The following AKAP7 variants were observed in gnomAD, a reference collection of about 807,000 sequenced individuals.
The protein encoded by AKAP7 is A-kinase anchoring protein 7.
In AKAP7, 39 loss-of-function variants were observed where a neutral mutation model predicts 39.5. The ratio of observed to expected loss-of-function variants is 0.99; its 90% CI spans 0.76 to 1.29. The LOEUF is 1.29. Ranked by LOEUF, AKAP7 falls within the 50% of genes most tolerant of loss-of-function variation. The probability of loss-of-function intolerance (pLI) is 0.00; values close to 1 mark genes in which losing one functional copy is unlikely to be tolerated. For missense variants in AKAP7, 414 were observed against 407.7 expected, an observed-to-expected ratio of 1.02 and a Z score of -0.13; for synonymous variants, 140 against 139.1, an observed-to-expected ratio of 1.01 and a Z score of -0.05.
At position 131,241,577 on chromosome 6, in the gene AKAP7, A is replaced by ATATATG. The variant is rs1349874555; in HGVS notation, c.850+21770_850+21771insATATGT. Among the ~76,000 whole-genome samples the ATATATG allele has an allele frequency of 2.0e-3, 164 of 81,216 alleles. 1 individual carries two copies. Among genetic ancestry groups the ATATATG allele is most frequent in the Non-Finnish European group, 3.2e-3 (134 of 42,278 alleles). The allele number at this position is 81,216 out of a possible 152,430, so 53.3% of individuals were successfully genotyped here. On this transcript the variant is annotated intron_variant, in intron 7 of 7. Coordinates refer to ENST00000431975, the MANE Select transcript of AKAP7 (RefSeq NM_016377.4). ...GAGGTCCAGGACATAGATTATATAT[A>ATATATG]TGTGTGTGTGTGTGTGTGTGTGTGT...
chr6:131,254,686 G>A (rs1163106681), intron 7 of AKAP7, among the ~76,000 whole-genome samples: 1 of 152,152 alleles, frequency 6.6e-6, no homozygotes, highest in Non-Finnish European at 1.5e-5. Context: ...CACCTTCTAG[G>A]GATGTTGTAA....
chr6:131,215,378 C>T (rs1385163806), intron 6 of AKAP7, among the ~76,000 whole-genome samples: 1 of 152,208 alleles, frequency 6.6e-6, no homozygotes, highest in Non-Finnish European at 1.5e-5. Flanking sequence ...GATCTGAAAT[C>T]ACCATGCTAT....
At chr6:131,230,767 A>G (rs1810562528) in intron 7 of AKAP7, among the ~76,000 whole-genome samples, 1 of 152,212 alleles carries the variant, frequency 6.6e-6, no homozygotes. Context: ...AATTCAAGAT[A>G]GATCAAGAAT....
At chr6:131,241,203 C>T (rs1217665970) in intron 7 of AKAP7, among the ~76,000 whole-genome samples, 1 of 152,166 alleles carries the variant, frequency 6.6e-6, no homozygotes, top group Non-Finnish European at 1.5e-5. Context: ...GGAAACTGAT[C>T]AGCAAGACCA....
chr6:131,218,729 A>G (rs887277189), intron 6 of AKAP7, among the ~76,000 whole-genome samples: 6 of 152,198 alleles, frequency 3.9e-5, no homozygotes, highest in African/African-American at 1.4e-4. Flanking sequence ...TAATTTTTCA[A>G]CAACCAGCTG....
At chr6:131,243,929 T>C (rs766168618) in intron 7 of AKAP7, among the ~76,000 whole-genome samples, 9 of 152,112 alleles carry the variant, frequency 5.9e-5, no homozygotes, top group Non-Finnish European at 1.5e-5. Flanking sequence ...TAAAAGCACT[T>C]GACTAAGAAA....
chr6:131,135,886 C>T (rs1800492925), intron 1 of AKAP7, 104 bp downstream of exon 1: 1 of 1,174,496 alleles, frequency 8.5e-7, no homozygotes, highest in Non-Finnish European at 1.1e-6. Flanking sequence ...CCGCGCCGGC[C>T]CTTCTCCGAG....
rs1809526892 is a variant in AKAP7 at position 131,219,641 on chromosome 6, AT to A, written c.703-17del. The A allele has an allele frequency of 6.3e-7, 1 of 1,580,276 alleles. No individual in the cohort carries two copies. Among genetic ancestry groups the A allele is most frequent in the Non-Finnish European group, 8.6e-7 (1 of 1,163,534 alleles). ...CATGGGTGAAATGATTGATTGATTGATTTGTTTTTTCATTTCAAGGGAGTGA... is the reference window on the plus strand; with the variant it reads ...CATGGGTGAAATGATTGATTGATTGATTGTTTTTTCATTTCAAGGGAGTGA... On this transcript the variant is annotated intron_variant, in intron 6 of 7. Transcript: ENST00000431975.
chr6:131,219,572 TA>T, intron 6 of AKAP7, 88 bp from the exon 7 acceptor site: 1 of 1,190,992 alleles, frequency 8.4e-7, no homozygotes, highest in Non-Finnish European at 1.2e-6. Flanking sequence ...TGTAGTAATG[TA>T]ATAATCAGGT....
chr6:131,265,107 C>T (rs1312603846), intron 7 of AKAP7, among the ~76,000 whole-genome samples: 1 of 152,124 alleles, frequency 6.6e-6, no homozygotes, highest in Non-Finnish European at 1.5e-5. Context: ...ATACTATAGG[C>T]CAATCATGAT....
At chr6:131,261,164 A>G (rs1468689655) in intron 7 of AKAP7, among the ~76,000 whole-genome samples, 1 of 151,730 alleles carries the variant, frequency 6.6e-6, no homozygotes, top group African/African-American at 2.4e-5. Flanking sequence ...CCATTGCGCA[A>G]CAAGAGCGAA....
rs1802794740 is a variant in AKAP7 at position 131,159,979 on chromosome 6, A to AT, written c.152-79dup. 5 of 1,270,702 alleles carry AT rather than the reference A, an allele frequency of 3.9e-6. No individual in the cohort carries two copies. The Admixed American group carries it at 1.4e-4, about 35-fold the overall frequency. The allele number at this position is 1,270,702 out of a possible 1,614,324, so 78.7% of individuals were successfully genotyped here. ...TGACACTGATGAATGATTGCTACTT[A>AT]TATATTGCTTGTTTTTTTTTCTGAC... On this transcript the variant is annotated intron_variant, in intron 2 of 7. Transcript: ENST00000431975.
intron 6 of AKAP7, among the ~76,000 whole-genome samples, chr6:131,204,248 A>G (rs185495357): frequency 1.3e-5 from 2 of 152,312 alleles, no homozygotes; most frequent in Admixed American, 6.5e-5. Context: ...AAGTATTATC[A>G]ATAATAGGGA....
chr6:131,140,898 A>G (rs1328669233), intron 1 of AKAP7, among the ~76,000 whole-genome samples: 1 of 152,232 alleles, frequency 6.6e-6, no homozygotes, highest in Non-Finnish European at 1.5e-5. Flanking sequence ...GAAAAGAGGC[A>G]TTTAACTTGT....
At chr6:131,199,353 T>C in intron 5 of AKAP7, 108 bp from the exon 6 acceptor site, 2 of 730,186 alleles carry the variant, frequency 2.7e-6, no homozygotes, top group Non-Finnish European at 4.5e-6. Flanking sequence ...TAAAGTAATC[T>C]TCACTGTAAA....
chr6:131,140,572 A>C, intron 1 of AKAP7, among the ~76,000 whole-genome samples: 1 of 152,246 alleles, frequency 6.6e-6, no homozygotes, highest in South Asian at 2.1e-4. Context: ...TCCAAGTAGC[A>C]CAAGAACTTG....
chr6:131,176,727 G>C (rs1284444147), intron 5 of AKAP7, among the ~76,000 whole-genome samples: 1 of 152,054 alleles, frequency 6.6e-6, no homozygotes, highest in Non-Finnish European at 1.5e-5. Context: ...CGTGTTTTCT[G>C]CTCCTTGTGA....
the AKAP7 span, among the ~76,000 whole-genome samples, chr6:131,125,895 T>G: frequency 6.6e-6 from 1 of 152,350 alleles, no homozygotes; most frequent in Admixed American, 6.5e-5. Context: ...TAAGTTGATT[T>G]AATAAACTGT....
intron 5 of AKAP7, among the ~76,000 whole-genome samples, chr6:131,199,244 G>A (rs942575117): frequency 2.0e-5 from 3 of 152,172 alleles, no homozygotes; most frequent in Non-Finnish European, 4.4e-5. Flanking sequence ...TTTACCACAG[G>A]TGTGAAATCA....
Sources: gnomAD v4.1 joint callset for allele counts (sites outside exome capture counted in the v4.1 genomes callset) on GRCh38, gnomAD v4.1.1 for gene constraint, MANE v1.5 for transcripts, NCBI Gene and HGNC (gene_info 2026-07-23, HGNC 2026-07-21) for gene names.